The following ZNF469 variants were observed in gnomAD, a reference collection of about 807,000 sequenced individuals.
The protein encoded by ZNF469 is zinc finger protein 469.
Under a neutral mutation model 1.0 loss-of-function variants are expected in ZNF469, and 1 was observed. The ratio of observed to expected loss-of-function variants is 1.00; its 90% confidence interval spans 0.35 to 4.73. ZNF469 has a LOEUF of 4.73. ZNF469 is among the 30% of genes most tolerant of loss of function. The pLI is 0.16. For synonymous variants in ZNF469, 2,703 were observed against 2,363.4 expected (o/e 1.14, Z -4.17); for missense variants, 6,100 against 5,356.3 (o/e 1.14, Z -4.33).
chr16:88,219,738 A>G, the ZNF469 span, among the ~76,000 whole-genome samples: 64 of 152,288 alleles, frequency 4.2e-4, 1 homozygote, highest in African/African-American at 1.5e-3. Flanking sequence ...GGGGCCTTCC[A>G]TATATCCCAT....
the ZNF469 span, among the ~76,000 whole-genome samples, chr16:88,320,652 G>A: frequency 6.6e-6 from 1 of 152,174 alleles, no homozygotes; most frequent in African/African-American, 2.4e-5. Flanking sequence ...ACAAAGTGCT[G>A]GGATTACAGG....
At chr16:88,364,905 C>G in the ZNF469 span, among the ~76,000 whole-genome samples, 3 of 152,160 alleles carry the variant, frequency 2.0e-5, no homozygotes, top group Non-Finnish European at 2.9e-5. Flanking sequence ...GCGGGGGTTA[C>G]AGCAAGCCAA....
intron 1 of ZNF469, among the ~76,000 whole-genome samples, chr16:88,420,338 G>C (rs759991114): frequency 6.6e-6 from 1 of 152,182 alleles, no homozygotes; most frequent in Non-Finnish European, 1.5e-5. Context: ...GGCTGGGACC[G>C]TTCACAAGGA....
Position 88,439,079 on chromosome 16 carries a change from C to T in ZNF469, c.11609C>T (p.Pro3870Leu), listed in dbSNP as rs765964469. The T allele has an allele frequency of 7.7e-6, 12 of 1,550,742 alleles. No individual in the cohort carries two copies. In the African/African-American group the frequency reaches 1.6e-4, roughly 21 times the overall value. The change falls in exon 3 of 3, where the codon CCC becomes CTC. Residue 3870 changes from proline (P) to leucine (L), a missense_variant. Coordinates refer to ENST00000565624, the MANE Select transcript of ZNF469 (RefSeq NM_001367624.2). ...CCCAAGCCCAACAGCCAGAACAAAC[C>T]CAGGCCGCCACCATCAGAGCAGCGG... ...TKPKPNSQNK[P>L]RPPPSEQRKA...
At chr16:88,380,451 A>T (rs2092518672), upstream of ZNF469, among the ~76,000 whole-genome samples, 1 of 138,476 alleles carries the variant, frequency 7.2e-6, no homozygotes, top group Admixed American at 6.8e-5. Flanking sequence ...AGTCACACAC[A>T]GACATGCACA....
At chr16:88,233,514 G>A in the ZNF469 span, among the ~76,000 whole-genome samples, 2 of 152,242 alleles carry the variant, frequency 1.3e-5, no homozygotes, top group Admixed American at 6.5e-5. Flanking sequence ...GGGGGCTACT[G>A]GATGCCGTGT....
intron 1 of ZNF469, among the ~76,000 whole-genome samples, chr16:88,386,543 G>A (rs927256561): frequency 2.0e-5 from 3 of 152,134 alleles, no homozygotes; most frequent in Non-Finnish European, 4.4e-5. Context: ...CTTGACGAAG[G>A]GGCCCTATTC....
chr16:88,425,215 C>T (rs928700149), intron 2 of ZNF469, among the ~76,000 whole-genome samples: 4 of 152,186 alleles, frequency 2.6e-5, no homozygotes, highest in Admixed American at 2.6e-4. Flanking sequence ...TCCAGGACTC[C>T]GTAAAGGCCA....
chr16:88,396,795 T>TCC (rs1470994240), intron 1 of ZNF469, among the ~76,000 whole-genome samples: 8 of 138,938 alleles, frequency 5.8e-5, no homozygotes, highest in African/African-American at 1.9e-4. Flanking sequence ...GAGGAGACCC[T>TCC]TGAGAAGGGA....
At chr16:88,286,794 C>T in the ZNF469 span, among the ~76,000 whole-genome samples, 1 of 152,216 alleles carries the variant, frequency 6.6e-6, no homozygotes, top group Admixed American at 6.5e-5. Context: ...CCCTGTGGCC[C>T]TGTCCTGGCC....
intron 1 of ZNF469, among the ~76,000 whole-genome samples, chr16:88,412,011 G>C (rs914509408): frequency 6.6e-6 from 1 of 152,286 alleles, no homozygotes; most frequent in Non-Finnish European, 1.5e-5. Context: ...GGGGTCCCAA[G>C]ACCCTGTTGG....
chr16:88,301,051 C>T, the ZNF469 span, among the ~76,000 whole-genome samples: 1 of 151,700 alleles, frequency 6.6e-6, no homozygotes, highest in Non-Finnish European at 1.5e-5. Flanking sequence ...GGCAACAGAG[C>T]GAGACTGTCT....
intron 1 of ZNF469, among the ~76,000 whole-genome samples, chr16:88,393,330 C>T (rs774359661): frequency 6.6e-5 from 10 of 152,256 alleles, no homozygotes; most frequent in Non-Finnish European, 1.5e-4. Context: ...GTTAGCTGAG[C>T]GCTCAGGGCC....
the ZNF469 span, among the ~76,000 whole-genome samples, chr16:88,167,785 G>A: frequency 4.6e-5 from 7 of 152,352 alleles, no homozygotes; most frequent in East Asian, 5.8e-4. Flanking sequence ...CCTGGTTGCC[G>A]GAAGAGCAGC....
At chr16:88,356,986 A>T in the ZNF469 span, among the ~76,000 whole-genome samples, 1 of 152,260 alleles carries the variant, frequency 6.6e-6, no homozygotes, top group Non-Finnish European at 1.5e-5. Flanking sequence ...GTGGTGGCAC[A>T]TGGTGGGTGC....
chr16:88,301,062 C>CA, the ZNF469 span, among the ~76,000 whole-genome samples: 13 of 148,432 alleles, frequency 8.8e-5, no homozygotes, highest in African/African-American at 2.2e-4. Context: ...GAGACTGTCT[C>CA]AAAAAAAAAG....
At chr16:88,254,921 G>A in the ZNF469 span, among the ~76,000 whole-genome samples, 1 of 151,766 alleles carries the variant, frequency 6.6e-6, no homozygotes, top group African/African-American at 2.4e-5. Flanking sequence ...CATTGTAATG[G>A]TATTGAGTGT....
chr16:88,380,523 G>T (rs1027608700), upstream of ZNF469, among the ~76,000 whole-genome samples: 6 of 73,460 alleles, frequency 8.2e-5, no homozygotes, highest in African/African-American at 3.6e-4. Flanking sequence ...GCACACACAC[G>T]CACTAACACA....
chr16:88,350,463 C>A, the ZNF469 span, among the ~76,000 whole-genome samples: 1 of 152,376 alleles, frequency 6.6e-6, no homozygotes, highest in Admixed American at 6.5e-5. Context: ...CTGGGCTGGG[C>A]CACTCACCAG....
Sources: allele counts gnomAD v4.1 joint callset (sites outside exome capture counted in the v4.1 genomes callset), GRCh38; gene constraint gnomAD v4.1.1; transcripts MANE v1.5; gene names NCBI Gene and HGNC (gene_info 2026-07-23, HGNC 2026-07-21).